DAB2IP: variants seen among roughly 807,000 people sequenced by gnomAD.
DAB2IP encodes DAB2 interacting protein, also known as disabled homolog 2-interacting protein.
In DAB2IP, 28 loss-of-function variants were observed where a neutral mutation model predicts 107.2. That is an observed-to-expected ratio of 0.26 (90% CI 0.19 to 0.36). DAB2IP has a LOEUF of 0.36. Among genes scored for constraint, DAB2IP ranks in the 10% least tolerant of loss-of-function variants. The pLI is 1.00. For missense variants in DAB2IP, 1,400 were observed against 1,644.7 expected (o/e 0.85, Z 2.57); for synonymous variants, 755 against 706.4 (o/e 1.07, Z -1.09).
chr9:121,614,737 CTTT>C (rs33981373), intron 1 of DAB2IP, among the ~76,000 whole-genome samples: 8 of 129,242 alleles, frequency 6.2e-5, no homozygotes, highest in Admixed American at 7.9e-5. Context: ...TTCTTTCTTT[CTTT>C]TTTTTTTTTT....
chr9:121,717,025 A>G (rs1589572239), intron 3 of DAB2IP, among the ~76,000 whole-genome samples: 1 of 152,214 alleles, frequency 6.6e-6, no homozygotes, highest in African/African-American at 2.4e-5. Context: ...GGCCTTGTGC[A>G]CGCATGTGTC....
rs1398754954 is a variant in DAB2IP at position 121,662,440 on chromosome 9, A to G, written c.124+10541A>G. On this transcript the variant is annotated intron_variant, in intron 1 of 15. Transcript: ENST00000408936. This position sits in a 1 kb window ranked among gnomAD's most constrained non-coding sequence, Gnocchi z 4.6. ...CAGAAGAAGGAGAACATAGGGAGTT[A>G]TATGAAATTCAAATTTCAATGCCCA... is the stretch of plus-strand genomic sequence containing the variant. Among the ~76,000 whole-genome samples, 1 of 152,240 alleles carries G rather than the reference A, an allele frequency of 6.6e-6. No individual in the cohort carries two copies. The highest frequency in any genetic ancestry group is 1.5e-5 in the Non-Finnish European group (1 of 68,048).
chr9:121,654,652 C>T (rs1315115538), intron 1 of DAB2IP, among the ~76,000 whole-genome samples: 2 of 152,150 alleles, frequency 1.3e-5, no homozygotes, highest in African/African-American at 4.8e-5. Flanking sequence ...GGGCAGGGCC[C>T]CACCCAGGGA....
chr9:121,722,454 C>G (rs1405280478), intron 3 of DAB2IP, among the ~76,000 whole-genome samples: 1 of 152,154 alleles, frequency 6.6e-6, no homozygotes. Context: ...GCCACTCCCC[C>G]CATGATCCAT....
intron 1 of DAB2IP, among the ~76,000 whole-genome samples, chr9:121,637,601 G>A (rs1338003965): frequency 1.3e-5 from 2 of 152,162 alleles, no homozygotes; most frequent in South Asian, 4.1e-4. Context: ...TTGGGACCCT[G>A]CCCAGTTAGC....
At chr9:121,618,642 C>T (rs2118990275) in intron 1 of DAB2IP, among the ~76,000 whole-genome samples, 1 of 152,300 alleles carries the variant, frequency 6.6e-6, no homozygotes, top group Middle Eastern at 3.4e-3. Context: ...GTCATTGTGT[C>T]CGGCCAAATT....
In DAB2IP at chr9:121,718,285, C is replaced by T. The variant is rs574439834; in HGVS notation, c.362+18827C>T. ...CACTCACTGGCTGCTCGCAGCAGCTCAGGCAGCGTTCAGGCAGATGGTGCA... is the reference window on the plus strand; with the variant it reads ...CACTCACTGGCTGCTCGCAGCAGCTTAGGCAGCGTTCAGGCAGATGGTGCA... On this transcript the variant is annotated intron_variant, in intron 3 of 15. Coordinates refer to ENST00000408936, the Ensembl canonical transcript of DAB2IP. 3.9e-5 allele frequency among the ~76,000 whole-genome samples: 6 copies of T among 152,338 alleles called. No individual in the cohort carries two copies. In the East Asian group the frequency reaches 5.8e-4, roughly 15 times the overall value.
intron 6 of DAB2IP, 83 bp from the exon 7 acceptor site, chr9:121,763,420 GAC>G: frequency 6.6e-7 from 1 of 1,508,484 alleles, no homozygotes; most frequent in Non-Finnish European, 8.9e-7. Flanking sequence ...AAAATGCCAG[GAC>G]TTCTCTGGCT....
rs1007760097 is a variant in DAB2IP at position 121,701,312 on chromosome 9, A to G, written c.362+1854A>G. On this transcript the variant is annotated intron_variant, in intron 3 of 15. Coordinates refer to ENST00000408936, the Ensembl canonical transcript of DAB2IP. This position sits in a 1 kb window ranked among gnomAD's most constrained non-coding sequence, Gnocchi z 4.7. ...CCTAGCCAGAGGTCGGGGCATGGCC[A>G]AGACGACCTCGTGCGGGTCCTGCCC... Among the ~76,000 whole-genome samples the G allele has an allele frequency of 3.9e-5, 6 of 152,222 alleles. No individual in the cohort carries two copies. Among genetic ancestry groups the G allele is most frequent in the African/African-American group, 4.8e-5 (2 of 41,474 alleles).
chr9:121,715,980 C>G (rs551889999), intron 3 of DAB2IP, among the ~76,000 whole-genome samples: 11 of 152,336 alleles, frequency 7.2e-5, no homozygotes, highest in Admixed American at 5.9e-4. Context: ...CCCACTTTGT[C>G]TTGGTGCCTG....
chr9:121,775,607 T>C (rs933845015), intron 13 of DAB2IP, among the ~76,000 whole-genome samples: 1 of 152,200 alleles, frequency 6.6e-6, no homozygotes, highest in East Asian at 1.9e-4. Flanking sequence ...TCCCTGCTCC[T>C]CCCTGATGGT....
chr9:121,658,019 T>G (rs1448496152), intron 1 of DAB2IP, among the ~76,000 whole-genome samples: 4 of 152,064 alleles, frequency 2.6e-5, no homozygotes, highest in African/African-American at 9.7e-5. Context: ...TCGGTGTTGG[T>G]GTAGTTTGTT....
intron 1 of DAB2IP, among the ~76,000 whole-genome samples, chr9:121,592,592 G>C (rs1159706159): frequency 6.6e-6 from 1 of 152,130 alleles, no homozygotes. Flanking sequence ...TGACCATATA[G>C]CCCTGTCAAC....
At chr9:121,731,050 T>C (rs184436154) in intron 3 of DAB2IP, among the ~76,000 whole-genome samples, 77 of 152,368 alleles carry the variant, frequency 5.1e-4, no homozygotes, top group Non-Finnish European at 8.1e-4. Context: ...GAAATGCTCC[T>C]GCAGTCTCTC....
intron 1 of DAB2IP, among the ~76,000 whole-genome samples, chr9:121,660,854 G>T (rs1833171688): frequency 6.6e-6 from 1 of 152,158 alleles, no homozygotes; most frequent in Non-Finnish European, 1.5e-5. Flanking sequence ...GGCAAGAAAA[G>T]AAGTCAGTGG....
chr9:121,628,671 C>T (rs1243241668), intron 1 of DAB2IP, among the ~76,000 whole-genome samples: 1 of 152,170 alleles, frequency 6.6e-6, no homozygotes, highest in Non-Finnish European at 1.5e-5. Flanking sequence ...CCAAGGCATC[C>T]CCTCGGCAGG....
At chr9:121,694,408 G>A (rs1589528842) in intron 2 of DAB2IP, among the ~76,000 whole-genome samples, 3 of 152,170 alleles carry the variant, frequency 2.0e-5, no homozygotes, top group African/African-American at 7.2e-5. Flanking sequence ...TCCTCTCCTA[G>A]GGTGGGAGTG....
At chr9:121,591,459 G>A (rs896481941) in intron 1 of DAB2IP, among the ~76,000 whole-genome samples, 3 of 152,184 alleles carry the variant, frequency 2.0e-5, no homozygotes, top group Non-Finnish European at 4.4e-5. Flanking sequence ...AACAGAGTGA[G>A]ACTCTGTTCT....
chr9:121,734,074 T>C (rs936455912), intron 3 of DAB2IP, among the ~76,000 whole-genome samples: 1 of 152,254 alleles, frequency 6.6e-6, no homozygotes, highest in Non-Finnish European at 1.5e-5. Context: ...TGTACTTTTA[T>C]GTGTTACTAA....
Sources: allele counts gnomAD v4.1 joint callset (sites outside exome capture counted in the v4.1 genomes callset), GRCh38; gene constraint gnomAD v4.1.1; non-coding constraint Gnocchi (gnomAD v3.1); transcripts MANE v1.5; gene names NCBI Gene and HGNC (gene_info 2026-07-23, HGNC 2026-07-21).